SHISA9: variants seen among roughly 807,000 people sequenced by gnomAD.
The protein encoded by SHISA9 is shisa family member 9.
SHISA9 carries 13 observed loss-of-function variants against 38.0 expected under a neutral mutation model. The observed-to-expected ratio is 0.34, with a 90% confidence interval of 0.22 to 0.54. The LOEUF is 0.54. Among genes scored for constraint, SHISA9 ranks in the 20% least tolerant of loss-of-function variants. The pLI is 0.91. For synonymous variants in SHISA9, 275 were observed against 242.0 expected, an observed-to-expected ratio of 1.14 and a Z score of -1.27; for missense variants, 538 against 575.8, an observed-to-expected ratio of 0.93 and a Z score of 0.67.
At chr16:13,020,365 C>G (rs945563842) in intron 2 of SHISA9, among the ~76,000 whole-genome samples, 6 of 152,080 alleles carry the variant, frequency 3.9e-5, no homozygotes, top group Admixed American at 1.3e-4. Flanking sequence ...TCCTCTGACC[C>G]TCACCCTCCA....
chr16:13,389,251 A>G, the SHISA9 span, among the ~76,000 whole-genome samples: 1 of 152,074 alleles, frequency 6.6e-6, no homozygotes, highest in Non-Finnish European at 1.5e-5. Context: ...TCCTCTGGCA[A>G]CCCCTGAGCT....
At chr16:13,316,408 C>G in the SHISA9 span, among the ~76,000 whole-genome samples, 5 of 152,182 alleles carry the variant, frequency 3.3e-5, no homozygotes, top group African/African-American at 1.2e-4. Context: ...TCTCCTTGTT[C>G]TTTATTGAGT....
intron 2 of SHISA9, among the ~76,000 whole-genome samples, chr16:12,965,417 C>T (rs1567354836): frequency 6.6e-6 from 1 of 152,194 alleles, no homozygotes; most frequent in Non-Finnish European, 1.5e-5. Flanking sequence ...ACTCCTTTCT[C>T]CAGCCCTTGG....
At chr16:13,147,949 A>G (rs928159434) in intron 2 of SHISA9, among the ~76,000 whole-genome samples, 1 of 152,164 alleles carries the variant, frequency 6.6e-6, no homozygotes, top group Non-Finnish European at 1.5e-5. Flanking sequence ...AGTAAAAGGG[A>G]TAGTTAGGGA....
intron 2 of SHISA9, among the ~76,000 whole-genome samples, chr16:13,050,202 T>C (rs989445601): frequency 6.6e-6 from 1 of 152,216 alleles, no homozygotes; most frequent in African/African-American, 2.4e-5. Flanking sequence ...GATATGGATG[T>C]AGATATACAT....
the SHISA9 span, among the ~76,000 whole-genome samples, chr16:13,327,365 C>T: frequency 5.3e-5 from 8 of 152,212 alleles, no homozygotes; most frequent in Middle Eastern, 3.4e-3. Flanking sequence ...CCTATAATCC[C>T]AGCACTTTGG....
chr16:13,022,362 G>C (rs760171536), intron 2 of SHISA9, among the ~76,000 whole-genome samples: 1 of 149,348 alleles, frequency 6.7e-6, no homozygotes, highest in African/African-American at 2.5e-5. Flanking sequence ...ACAGAGTTTC[G>C]CTCTTGTTGC....
At chr16:13,027,071 G>A (rs777287453) in intron 2 of SHISA9, among the ~76,000 whole-genome samples, 1 of 152,096 alleles carries the variant, frequency 6.6e-6, no homozygotes, top group East Asian at 1.9e-4. Flanking sequence ...GGTCTTTTGG[G>A]GTATAGCCCA....
At chr16:13,367,476 G>T in the SHISA9 span, among the ~76,000 whole-genome samples, 1 of 151,572 alleles carries the variant, frequency 6.6e-6, no homozygotes, top group African/African-American at 2.4e-5. Context: ...AGAACAGGAA[G>T]CCAGGATCCA....
At chr16:13,030,902 G>A (rs1298096967) in intron 2 of SHISA9, among the ~76,000 whole-genome samples, 3 of 152,184 alleles carry the variant, frequency 2.0e-5, no homozygotes, top group Admixed American at 6.6e-5. Flanking sequence ...GGAGTTCTAA[G>A]TATTGGTTGA....
chr16:13,202,356 A>G lies in SHISA9; in HGVS notation c.692-1038A>G, dbSNP rs192854575. On this transcript the variant is annotated intron_variant, in intron 2 of 4. Transcript: ENST00000558583. Reference sequence around the variant, plus strand: ...CTTCCACCTTCCACCACACTGAACTATTATAACAACCCTCCTTCCTGTAGA... The same window carrying G: ...CTTCCACCTTCCACCACACTGAACTGTTATAACAACCCTCCTTCCTGTAGA... 1.6e-3 allele frequency among the ~76,000 whole-genome samples: 209 copies of G among 131,744 alleles called. 49 individuals carry two copies. The highest frequency in any genetic ancestry group is 6.1e-3 in the African/African-American group (201 of 33,200). 86.4% of individuals were successfully genotyped at this position (131,744 alleles called of 152,430 possible).
intron 2 of SHISA9, among the ~76,000 whole-genome samples, chr16:13,016,253 G>C (rs747436236): frequency 6.6e-6 from 1 of 151,952 alleles, no homozygotes; most frequent in East Asian, 2.0e-4. Flanking sequence ...GGGATTACAG[G>C]TGTGAGCCAC....
At chr16:13,396,605 G>A in the SHISA9 span, among the ~76,000 whole-genome samples, 22 of 152,224 alleles carry the variant, frequency 1.4e-4, no homozygotes, top group Non-Finnish European at 3.1e-4. Context: ...CCTAAATAGA[G>A]TGGTTGTTCA....
Position 13,201,377 on chromosome 16 carries a change from G to A in SHISA9, c.692-2017G>A, listed in dbSNP as rs4261525. On this transcript the variant is annotated intron_variant, in intron 2 of 4. Coordinates refer to ENST00000558583, the MANE Select transcript of SHISA9 (RefSeq NM_001145204.3). ...TTACTTATAATACTAGTACAACACA[G>A]ATGTTATGTAAATAGTTGTTACACT... Among the ~76,000 whole-genome samples, 297 of 135,868 alleles carry A rather than the reference G, an allele frequency of 2.2e-3. 69 individuals are homozygous for A. The highest frequency in any genetic ancestry group is 8.1e-3 in the African/African-American group (281 of 34,652). 89.1% of individuals were successfully genotyped at this position (135,868 alleles called of 152,430 possible). A position where few individuals can be genotyped will look rare whatever the true frequency, so the allele number is the denominator to read the frequency against.
chr16:13,130,131 G>A (rs1347977263), intron 2 of SHISA9, among the ~76,000 whole-genome samples: 1 of 152,166 alleles, frequency 6.6e-6, no homozygotes, highest in African/African-American at 2.4e-5. Flanking sequence ...TGGGCTCTCT[G>A]AGCACATCTG....
At chr16:13,223,767 G>T (rs1224807409) in intron 4 of SHISA9, among the ~76,000 whole-genome samples, 1 of 152,202 alleles carries the variant, frequency 6.6e-6, no homozygotes, top group Non-Finnish European at 1.5e-5. Context: ...GCAAAAGCAT[G>T]CCTTACATGG....
At chr16:13,068,858 A>G (rs1220391776) in intron 2 of SHISA9, among the ~76,000 whole-genome samples, 1 of 144,276 alleles carries the variant, frequency 6.9e-6, no homozygotes, top group Non-Finnish European at 1.5e-5. Flanking sequence ...ATATATGCAT[A>G]CATGCAATGT....
intron 2 of SHISA9, among the ~76,000 whole-genome samples, chr16:13,195,999 A>C (rs1319387647): frequency 6.7e-6 from 1 of 148,244 alleles, no homozygotes; most frequent in Non-Finnish European, 1.5e-5. Context: ...GAGGCAGGAG[A>C]ATCGCTTGAA....
At chr16:12,928,601 C>T (rs1470579225) in intron 2 of SHISA9, among the ~76,000 whole-genome samples, 1 of 152,170 alleles carries the variant, frequency 6.6e-6, no homozygotes, top group Admixed American at 6.5e-5. Flanking sequence ...TGGTGTAGAA[C>T]TTCTCTAGTT....
Sources: allele counts gnomAD v4.1 joint callset (sites outside exome capture counted in the v4.1 genomes callset), GRCh38; gene constraint gnomAD v4.1.1; transcripts MANE v1.5; gene names NCBI Gene and HGNC (gene_info 2026-07-23, HGNC 2026-07-21).